INTS8: variants seen among roughly 807,000 people sequenced by gnomAD.
INTS8 encodes the protein integrator complex subunit 8, also known as protein kaonashi-1.
INTS8 carries 47 observed loss-of-function variants against 138.9 expected under a neutral mutation model. The ratio of observed to expected loss-of-function variants is 0.34; its 90% CI spans 0.27 to 0.43. The LOEUF is 0.43. Ranked by LOEUF, INTS8 falls within the 20% of genes least tolerant of loss-of-function variation. The pLI, the probability that INTS8 is intolerant of heterozygous loss-of-function variation, is 1.00. For missense variants in INTS8, 996 were observed against 1,173.0 expected (o/e 0.85, Z 2.20); for synonymous variants, 392 against 400.9 (o/e 0.98, Z 0.27).
At chr8:94,866,373 T>A in intron 18 of INTS8, 182 bp downstream of exon 18, 1 of 595,092 alleles carries the variant, frequency 1.7e-6, no homozygotes, top group East Asian at 3.4e-5. Flanking sequence ...ACTCACTGCG[T>A]CTTCTAATTC....
Position 94,863,242 on chromosome 8 carries a change from G to A in INTS8, c.2077-2264G>A, listed in dbSNP as rs148998636. On this transcript the variant is annotated intron_variant, in intron 16 of 26. Transcript: ENST00000523731. ...TGTGGCCTACCAGGCTTCTTAAGGT[G>A]TGCATGCTTCTCCTCCTCCAGGTGC... Among the ~76,000 whole-genome samples, 850 of 152,292 alleles carry A rather than the reference G, an allele frequency of 5.6e-3. 1 individual carries two copies. The highest frequency in any genetic ancestry group is 8.8e-3 in the Admixed American group (135 of 15,298).
intron 4 of INTS8, among the ~76,000 whole-genome samples, 178 bp downstream of exon 4, chr8:94,827,971 G>T (rs1222752468): frequency 2.0e-5 from 3 of 152,106 alleles, no homozygotes; most frequent in African/African-American, 7.2e-5. Context: ...TAATGTGCTA[G>T]ATACAGAGTT....
intron 7 of INTS8, 34 bp from the exon 8 acceptor site, chr8:94,838,429 G>A: frequency 1.3e-6 from 2 of 1,538,112 alleles, no homozygotes; most frequent in Non-Finnish European, 1.8e-6. Flanking sequence ...TATATTACAT[G>A]AATGGATAAT....
Position 94,841,502 on chromosome 8 carries a change from G to C in INTS8, c.1029G>C (p.Gln343His). The change falls in exon 9 of 27, where the codon CAG becomes CAC. Residue 343 changes from glutamine (Q) to histidine (H), a missense_variant. By Grantham distance (24) the Gln-to-His change is conservative (BLOSUM62 0). Coordinates refer to ENST00000523731, the MANE Select transcript of INTS8 (RefSeq NM_017864.4). ...TGTGTGTGTTCTAGGAGGTAATACA[G>C]ATTTTCATTGAAGACAACTTAACCT... is the stretch of plus-strand genomic sequence containing the variant. ...LRSGNYQEVI[Q>H]IFIEDNLTLS... is the part of the protein sequence containing the mutation. 1 of 1,590,440 alleles carries C rather than the reference G, an allele frequency of 6.3e-7. No individual in the cohort carries two copies.
intron 2 of INTS8, among the ~76,000 whole-genome samples, chr8:94,825,437 A>T (rs533406093): frequency 0.035 from 5,288 of 151,120 alleles, 103 homozygotes; most frequent in Non-Finnish European, 0.04. Flanking sequence ...GAAAAAAAAA[A>T]AAAATAATAA....
chr8:94,861,294 C>A (rs1258330981), intron 16 of INTS8, among the ~76,000 whole-genome samples: 1 of 51,080 alleles, frequency 2.0e-5, no homozygotes, highest in East Asian at 8.1e-4. Context: ...CGGAGTCTCG[C>A]TCTGTCGCCC....
chr8:94,834,329 T>C (rs1432400910), intron 6 of INTS8, among the ~76,000 whole-genome samples: 3 of 151,792 alleles, frequency 2.0e-5, no homozygotes, highest in Non-Finnish European at 4.4e-5. Flanking sequence ...GGGAATTATA[T>C]ATAACTGTAG....
chr8:94,848,389 T>C (rs904168453), intron 10 of INTS8, among the ~76,000 whole-genome samples: 5 of 152,182 alleles, frequency 3.3e-5, no homozygotes, highest in Non-Finnish European at 7.3e-5. Context: ...TATAAGTCAG[T>C]GCGTTTTAGT....
In INTS8 at chr8:94,878,445, C is replaced by G. The variant is rs1448979532; in HGVS notation, c.2872-1673C>G. 1.3e-5 allele frequency among the ~76,000 whole-genome samples: 2 copies of G among 152,138 alleles called. 1 individual carries two copies. Among genetic ancestry groups the G allele is most frequent in the South Asian group, 4.1e-4 (2 of 4,830 alleles). The stretch of plus-strand genomic sequence containing the variant: ...CCTTGTGAGTGCTAGCTTAAAATTC[C>G]TATTTCATTCGCTGCTTCCTGCCTT... On this transcript the variant is annotated intron_variant, in intron 26 of 26. Coordinates refer to ENST00000523731, the MANE Select transcript of INTS8 (RefSeq NM_017864.4).
At chr8:94,825,411 G>A (rs911763379) in intron 2 of INTS8, among the ~76,000 whole-genome samples, 4 of 149,828 alleles carry the variant, frequency 2.7e-5, no homozygotes, top group African/African-American at 9.9e-5. Flanking sequence ...CAGCCTGGGC[G>A]ATAGAGTAAG....
At chr8:94,834,703 C>CAAAAA (rs1180267625) in intron 6 of INTS8, among the ~76,000 whole-genome samples, 9 of 85,096 alleles carry the variant, frequency 1.1e-4, no homozygotes, top group Admixed American at 5.1e-4. Flanking sequence ...AACTCCATCT[C>CAAAAA]AAAAAAAAAA....
In INTS8 at chr8:94,876,707, A is replaced by C. The variant is rs114863829; in HGVS notation, c.2871+218A>C. ...TTAGATCATGTCATTTCTCAGTCCC[A>C]AACTTTCCAATGGCTTCTCATCTCA... On this transcript the variant is annotated intron_variant, in intron 26 of 26. Coordinates refer to ENST00000523731, the MANE Select transcript of INTS8 (RefSeq NM_017864.4). The C allele has an allele frequency of 2.2e-3, 989 of 445,278 alleles. 8 individuals carry two copies. Among genetic ancestry groups the C allele is most frequent in the African/African-American group, 0.019 (920 of 48,896 alleles). 27.6% of individuals were successfully genotyped at this position (445,278 alleles called of 1,614,324 possible).
rs1198862157 is a variant in INTS8 at position 94,856,830 on chromosome 8, G to T, written c.1806G>T (p.Glu602Asp). 2.5e-6 allele frequency: 4 copies of T among 1,614,106 alleles called. No homozygotes were observed. The highest frequency in any genetic ancestry group is 3.4e-6 in the Non-Finnish European group (4 of 1,180,012). Reference protein sequence around the residue: ...LFAACLELVTEFSPKLRQVML... With the variant: ...LFAACLELVTDFSPKLRQVML... ...CTGCTTGTTTGGAGTTGGTAACAGAGTTCTCACCGAAGCTTCGTCAGGTCA... is the reference window on the plus strand; with the variant it reads ...CTGCTTGTTTGGAGTTGGTAACAGATTTCTCACCGAAGCTTCGTCAGGTCA... The change falls in exon 15 of 27, where the codon GAG (glutamate) becomes GAT (aspartate). Residue 602 changes from glutamate (E) to aspartate (D), a missense_variant. Glu to Asp is a conservative substitution (Grantham distance 45, BLOSUM62 2). Transcript: ENST00000523731.
chr8:94,833,018 ATCTC>A (rs959420930), intron 6 of INTS8, among the ~76,000 whole-genome samples: 3 of 148,058 alleles, frequency 2.0e-5, no homozygotes, highest in Non-Finnish European at 4.5e-5. Flanking sequence ...ACTCTTTGAC[ATCTC>A]TCTCTCTCTC....
At chr8:94,840,498 A>T (rs1256460634) in intron 8 of INTS8, among the ~76,000 whole-genome samples, 2 of 151,862 alleles carry the variant, frequency 1.3e-5, no homozygotes, top group Admixed American at 6.6e-5. Context: ...ATATATTTTA[A>T]ATCATTTAAA....
In INTS8 at chr8:94,856,895, A is replaced by G; in HGVS notation, c.1871A>G (p.Glu624Gly). The G allele has an allele frequency of 1.2e-6, 2 of 1,614,102 alleles. No individual in the cohort carries two copies. Among genetic ancestry groups the G allele is most frequent in the Non-Finnish European group, 1.7e-6 (2 of 1,180,024 alleles). Residue 624 changes from glutamate (E) to glycine (G), a missense_variant, in exon 15 of 27, where the codon GAA becomes GGA. Coordinates refer to ENST00000523731, the MANE Select transcript of INTS8 (RefSeq NM_017864.4). ...EMLLLDIHTH[E>G]AGTGQAGERP... ...TTGCTTTTGGATATTCATACACACG[A>G]AGCTGGGACAGGGCAGGCAGGAGAG... is the stretch of plus-strand genomic sequence containing the variant.
chr8:94,849,556 TC>T (rs1815455716), intron 11 of INTS8, 24 bp downstream of exon 11: 2 of 1,387,032 alleles, frequency 1.4e-6, no homozygotes, highest in Non-Finnish European at 1.0e-6. Context: ...TTTTCTTTTT[TC>T]TTTTTTTTTT....
intron 1 of INTS8, among the ~76,000 whole-genome samples, chr8:94,824,214 A>G (rs1449672688): frequency 1.3e-5 from 2 of 152,204 alleles, no homozygotes; most frequent in Non-Finnish European, 2.9e-5. Flanking sequence ...ACAAAAAGGT[A>G]AGTTCCTCGG....
At chr8:94,834,807 C>T (rs1814864451) in intron 6 of INTS8, among the ~76,000 whole-genome samples, 1 of 151,862 alleles carries the variant, frequency 6.6e-6, no homozygotes, top group Non-Finnish European at 1.5e-5. Context: ...TTGAATTGGA[C>T]AGAACCATAT....
Sources: allele counts gnomAD v4.1 joint callset (sites outside exome capture counted in the v4.1 genomes callset), GRCh38; gene constraint gnomAD v4.1.1; transcripts MANE v1.5; gene names NCBI Gene and HGNC (gene_info 2026-07-23, HGNC 2026-07-21).